The following SMCHD1 variants were observed in gnomAD, a reference collection of about 807,000 sequenced individuals.
SMCHD1 encodes structural maintenance of chromosomes flexible hinge domain containing 1, also known as structural maintenance of chromosomes flexible hinge domain-containing protein 1.
Under a neutral mutation model 254.7 loss-of-function variants are expected in SMCHD1, and 78 were observed. The ratio of observed to expected loss-of-function variants is 0.31; its 90% confidence interval spans 0.26 to 0.37. The LOEUF is 0.37. Among genes scored for constraint, SMCHD1 ranks in the 10% least tolerant of loss-of-function variants. The pLI is 1.00. For missense variants in SMCHD1, 1,840 were observed against 2,408.1 expected, an observed-to-expected ratio of 0.76 and a Z score of 4.94; for synonymous variants, 766 against 794.9, an observed-to-expected ratio of 0.96 and a Z score of 0.61.
intron 16 of SMCHD1, 56 bp downstream of exon 16, chr18:2,707,701 T>A: frequency 6.8e-7 from 1 of 1,474,812 alleles, no homozygotes; most frequent in Non-Finnish European, 9.4e-7. Context: ...TGTCTTACAT[T>A]TCCAATATGT....
At chr18:2,761,889 C>T (rs1020085817) in intron 35 of SMCHD1, among the ~76,000 whole-genome samples, 1 of 152,118 alleles carries the variant, frequency 6.6e-6, no homozygotes, top group Admixed American at 6.5e-5. Context: ...TAAGTTTGTT[C>T]TTAGATGGCT....
chr18:2,760,265 TAGA>T (rs1216454807), intron 34 of SMCHD1: 1 of 162,820 alleles, frequency 6.1e-6, no homozygotes, highest in South Asian at 1.6e-4. Context: ...AAAAGTTACA[TAGA>T]AGATCAGCAG....
Position 2,697,317 on chromosome 18 carries a change from T to G in SMCHD1, c.1131+195T>G, listed in dbSNP as rs147527232. On this transcript the variant is annotated intron_variant, in intron 9 of 47. Transcript: ENST00000320876. The stretch of plus-strand genomic sequence containing the variant: ...GTATTTTTCTCAAACCTTTATTTAC[T>G]GTAGGCTTGGTTTATCTTTTTTTGT... 1,692 of 402,344 alleles carry G rather than the reference T, an allele frequency of 4.2e-3. 5 individuals carry two copies. The highest frequency in any genetic ancestry group is 0.018 in the Middle Eastern group (36 of 1,978). The allele number at this position is 402,344 out of a possible 1,614,324, so 24.9% of individuals were successfully genotyped here.
chr18:2,657,859 C>G (rs1266207871), intron 1 of SMCHD1, among the ~76,000 whole-genome samples: 1 of 151,842 alleles, frequency 6.6e-6, no homozygotes, highest in South Asian at 2.1e-4. Flanking sequence ...AACATTTTCC[C>G]AGGCCCAAAT....
chr18:2,732,183 A>G (rs1368967717), intron 24 of SMCHD1, 82 bp from the exon 25 acceptor site: 1 of 1,031,410 alleles, frequency 9.7e-7, no homozygotes, highest in Non-Finnish European at 1.5e-6. Context: ...ATGGTCTTCC[A>G]TAATATTGAA....
At chr18:2,728,396 T>A in intron 22 of SMCHD1, 61 bp from the exon 23 acceptor site, 1 of 1,480,124 alleles carries the variant, frequency 6.8e-7, no homozygotes, top group Non-Finnish European at 9.2e-7. Context: ...TTTCTTTTGC[T>A]ATTTCAGTAC....
At chr18:2,690,646 C>CTT (rs71365194) in intron 7 of SMCHD1, among the ~76,000 whole-genome samples, 100 of 133,606 alleles carry the variant, frequency 7.5e-4, no homozygotes, top group East Asian at 5.2e-3. Flanking sequence ...TAATTTTTTT[C>CTT]TTTTTTTTTT....
In SMCHD1 at chr18:2,732,416, A is replaced by G. The variant is rs1475369340; in HGVS notation, c.3200A>G (p.His1067Arg). The change falls in exon 25 of 48, where the codon CAT becomes CGT. Residue 1067 changes from histidine to arginine, a missense_variant. This residue lies in a region of SMCHD1 where 881 missense variants were observed against 1,009.5 expected (regional missense o/e 0.87). Transcript: ENST00000320876. The part of the protein sequence containing the change: ...EVNWIAGDIM[H>R]NLIFQMYDEG... ...AATTGGATAGCGGGTGATATTATGC[A>G]TAATCTTATTTTTCAAATGTATGAT... 1.2e-6 allele frequency: 2 copies of G among 1,613,274 alleles called. No homozygotes were observed. The highest frequency in any genetic ancestry group is 1.7e-5 in the Admixed American group (1 of 60,028).
At chr18:2,791,108 T>C (rs2076312071) in intron 45 of SMCHD1, among the ~76,000 whole-genome samples, 1 of 152,058 alleles carries the variant, frequency 6.6e-6, no homozygotes, top group Non-Finnish European at 1.5e-5. Context: ...AGTAAGCAGT[T>C]AGAAGATATA....
At chr18:2,673,877 C>T in intron 4 of SMCHD1, 138 bp from the exon 5 acceptor site, 1 of 810,946 alleles carries the variant, frequency 1.2e-6, no homozygotes, top group Non-Finnish European at 1.9e-6. Flanking sequence ...AAGTGCCTTT[C>T]AGAAAATTGT....
intron 19 of SMCHD1, among the ~76,000 whole-genome samples, chr18:2,719,041 A>T (rs62084232): frequency 6.6e-6 from 1 of 150,904 alleles, no homozygotes; most frequent in Admixed American, 6.6e-5. Context: ...TTTTAGGGGA[A>T]TCCCAGTTTC....
intron 42 of SMCHD1, among the ~76,000 whole-genome samples, chr18:2,777,026 C>T (rs1468065951): frequency 1.3e-5 from 2 of 151,764 alleles, no homozygotes; most frequent in Non-Finnish European, 2.9e-5. Context: ...CCCTCAACCT[C>T]GCAAGTAACT....
At chr18:2,687,790 T>G (rs1308513920) in intron 5 of SMCHD1, among the ~76,000 whole-genome samples, 3 of 152,200 alleles carry the variant, frequency 2.0e-5, no homozygotes, top group African/African-American at 7.2e-5. Context: ...TCTCTAATTC[T>G]CTCCAGCTAT....
intron 24 of SMCHD1, among the ~76,000 whole-genome samples, chr18:2,731,340 A>G (rs2075135619): frequency 1.3e-5 from 2 of 152,232 alleles, no homozygotes; most frequent in Admixed American, 1.3e-4. Context: ...ATAATGTAAT[A>G]TTTTAATTTT....
chr18:2,668,162 A>G (rs2073489500), intron 3 of SMCHD1, among the ~76,000 whole-genome samples: 1 of 152,034 alleles, frequency 6.6e-6, no homozygotes, highest in Non-Finnish European at 1.5e-5. Flanking sequence ...TTACAGGTAT[A>G]AGCCACCATG....
rs200925234 is a variant in SMCHD1 at position 2,700,570 on chromosome 18, T to C, written c.1374T>C (p.Cys458=). 2 of 1,612,218 alleles carry C rather than the reference T, an allele frequency of 1.2e-6. No homozygotes were observed. Among genetic ancestry groups the C allele is most frequent in the Non-Finnish European group, 8.5e-7 (1 of 1,178,952 alleles). ...KLKDEDDEDD[C]FILEKAARGK... is the part of the protein sequence containing the mutation. The stretch of plus-strand genomic sequence containing the variant: ...AAGATGAAGATGATGAAGATGATTG[T>C]TTCATACTTGAGAAAGCAGCTAGAG... The change falls in exon 11 of 48, where the codon TGT becomes TGC. Residue 458 remains cysteine (C), a synonymous_variant. Transcript: ENST00000320876.
At chr18:2,661,979 AC>A (rs33916335) in intron 1 of SMCHD1, among the ~76,000 whole-genome samples, 140,803 of 141,024 alleles carry the variant, frequency 1, 70,291 homozygotes, top group Middle Eastern at 1. Context: ...ACAAGGTGAA[AC>A]CCCCGTCTCT....
At position 2,740,491 on chromosome 18, in the gene SMCHD1, G is replaced by A. The variant is rs528884662; in HGVS notation, c.3515-212G>A. ...AAAAAATCTGATTAACATTAGCATCGTGTTAAATGTAGTTGAAAATATGCT... is the reference window on the plus strand; with the variant it reads ...AAAAAATCTGATTAACATTAGCATCATGTTAAATGTAGTTGAAAATATGCT... On this transcript the variant is annotated intron_variant, in intron 27 of 47. Transcript: ENST00000320876. Among the ~76,000 whole-genome samples, 7 of 151,896 alleles carry A rather than the reference G, an allele frequency of 4.6e-5. No homozygotes were observed. In the East Asian group the frequency reaches 1.2e-3, roughly 25 times the overall value.
At chr18:2,727,760 T>TA (rs1000164626) in intron 22 of SMCHD1, among the ~76,000 whole-genome samples, 2 of 151,992 alleles carry the variant, frequency 1.3e-5, no homozygotes, top group Admixed American at 1.3e-4. Flanking sequence ...GAATAGTGCT[T>TA]AAAAAAACTT....
Sources: gnomAD v4.1 joint callset for allele counts (sites outside exome capture counted in the v4.1 genomes callset) on GRCh38, gnomAD v4.1.1 for gene constraint, gnomAD v4.1.1 regional missense constraint, MANE v1.5 for transcripts, NCBI Gene and HGNC (gene_info 2026-07-23, HGNC 2026-07-21) for gene names.